GTF3C3: variants seen among roughly 807,000 people sequenced by gnomAD.
The protein encoded by GTF3C3 is general transcription factor IIIC subunit 3, also known as general transcription factor 3C polypeptide 3.
GTF3C3 carries 75 observed loss-of-function variants against 105.2 expected under a neutral mutation model. The observed-to-expected ratio is 0.71, with a 90% CI of 0.59 to 0.86. GTF3C3 has a LOEUF of 0.86. Ranked by LOEUF, GTF3C3 falls within the 40% of genes least tolerant of loss-of-function variation. GTF3C3 has a pLI of 0.00. For missense variants in GTF3C3, 856 were observed against 1,076.5 expected, an observed-to-expected ratio of 0.80 and a Z score of 2.87; for synonymous variants, 335 against 370.4, an observed-to-expected ratio of 0.90 and a Z score of 1.10.
rs1699262504 is a variant in GTF3C3, at chr2:196,776,606, T to C, written c.1414A>G (p.Met472Val). ...CCATAGCTTTCAGCAGCTCGCTCCA[T>C]ATAGCCTAAGGCCTTTAAACATTCT... ...HAECLKALGY[M>V]ERAAESYGKV... The change falls in exon 11 of 18, where the codon ATG becomes GTG. Residue 472 changes from methionine (M) to valine (V), a missense_variant. By Grantham distance (21) the Met-to-Val change is conservative (BLOSUM62 1). Transcript: ENST00000263956. The surrounding 1 kb of genome is among the most constrained non-coding windows in gnomAD (Gnocchi z 4.5). 5.6e-6 allele frequency: 9 copies of C among 1,613,984 alleles called. No homozygotes were observed. Among genetic ancestry groups the C allele is most frequent in the Non-Finnish European group, 7.6e-6 (9 of 1,179,858 alleles).
rs1699030038 is a variant in GTF3C3, at chr2:196,764,699, G to C, written c.2539-14C>G. The C allele has an allele frequency of 6.2e-7, 1 of 1,601,638 alleles. No homozygotes were observed. Among genetic ancestry groups the C allele is most frequent in the African/African-American group, 1.3e-5 (1 of 74,432 alleles). On this transcript the variant is annotated splice_polypyrimidine_tract_variant and intron_variant, in intron 17 of 17. Transcript: ENST00000263956. ...AAGTTCTATACCCTAGGGAGAAAAA[G>C]ATACCTTTATGTTTAATATTTCCAA...
intron 8 of GTF3C3, 60 bp from the exon 9 acceptor site, chr2:196,780,722 A>G (rs1699335283): frequency 6.4e-7 from 1 of 1,557,128 alleles, no homozygotes; most frequent in Non-Finnish European, 8.7e-7. Flanking sequence ...TGTATCTTCT[A>G]TGTAAGATCT....
intron 4 of GTF3C3, among the ~76,000 whole-genome samples, chr2:196,790,450 C>G (rs968137531): frequency 5.9e-5 from 9 of 152,064 alleles, no homozygotes; most frequent in African/African-American, 2.2e-4. Context: ...GCTCCCACAC[C>G]AAGGAGTATG....
At chr2:196,795,157 C>A (rs1699620905) in intron 2 of GTF3C3, among the ~76,000 whole-genome samples, 1 of 152,110 alleles carries the variant, frequency 6.6e-6, no homozygotes, top group Non-Finnish European at 1.5e-5. Flanking sequence ...TCCATCTCAG[C>A]CTCCCTAGTA....
intron 4 of GTF3C3, 84 bp downstream of exon 4, chr2:196,791,253 A>T: frequency 7.6e-7 from 1 of 1,322,772 alleles, no homozygotes; most frequent in Non-Finnish European, 1.1e-6. Flanking sequence ...CATATTTTCC[A>T]AATAGTACTG....
At position 196,773,028 on chromosome 2, in the gene GTF3C3, A is replaced by G. The variant is rs949968437; in HGVS notation, c.1957T>C (p.Leu653=). 3 of 1,611,242 alleles carry G rather than the reference A, an allele frequency of 1.9e-6. No homozygotes were observed. Among genetic ancestry groups the G allele is most frequent in the Non-Finnish European group, 2.5e-6 (3 of 1,177,380 alleles). The change falls in exon 14 of 18, where the codon TTG becomes CTG. Residue 653 remains leucine (L), a synonymous_variant. Coordinates refer to ENST00000263956, the MANE Select transcript of GTF3C3 (RefSeq NM_012086.5). The part of the protein sequence containing the change: ...QEAELLVDSS[L]EYYSFYDDRQ... The stretch of plus-strand genomic sequence containing the variant: ...TCATCATAAAATGAGTAATATTCCA[A>G]TGAGGAATCTACAAGCAACTCAGCC...
At chr2:196,780,302 C>A in intron 9 of GTF3C3, 1 of 1,053,258 alleles carries the variant, frequency 9.5e-7, no homozygotes, top group African/African-American at 1.6e-5. Context: ...ATGACAATCT[C>A]AAATGGTCTA....
At position 196,776,084 on chromosome 2, in the gene GTF3C3, T is replaced by G; in HGVS notation, c.1621A>C (p.Thr541Pro). 5 of 1,589,708 alleles carry G rather than the reference T, an allele frequency of 3.1e-6. No homozygotes were observed. The highest frequency in any genetic ancestry group is 4.3e-6 in the Non-Finnish European group (5 of 1,164,510). Residue 541 changes from threonine (T) to proline (P), a missense_variant, in exon 12 of 18, where the codon ACT becomes CCT. Physicochemically the swap from Thr to Pro is conservative, Grantham distance 38 (BLOSUM62 -1). Transcript: ENST00000263956. This position sits in a 1 kb window ranked among gnomAD's most constrained non-coding sequence, Gnocchi z 4.5. ...ATTTTGCCTTGTGAAAACAACAGAG[T>G]AGAACGATGAAGCAATAACTTCAGT... ...QELKLLLHRS[T>P]LLFSQGKMYG...
chr2:196,797,802 T>C lies in GTF3C3; in HGVS notation c.209A>G (p.Asn70Ser), dbSNP rs11559078. ...NSTKSQDKDV[N>S]EGETSDGVRK... is the part of the protein sequence containing the mutation. ...AGCACATAATTTTAACATACCTTCA[T>C]TGACATCTTTGTCTTGGGATTTGGT... Residue 70 changes from asparagine (N) to serine (S), a missense_variant, in exon 2 of 18, where the codon AAT becomes AGT. By Grantham distance (46) the Asn-to-Ser change is conservative. This residue lies in a region of GTF3C3 where 117 missense variants were observed against 114.0 expected (regional missense o/e 1.03). Transcript: ENST00000263956. 0.079 allele frequency: 121,657 copies of C among 1,537,672 alleles called. 5,819 individuals carry two copies. The highest frequency in any genetic ancestry group is 0.17 in the African/African-American group (12,228 of 73,310).
chr2:196,769,783 T>C (rs1429316612), intron 16 of GTF3C3, 132 bp downstream of exon 16: 1 of 666,706 alleles, frequency 1.5e-6, no homozygotes, highest in Admixed American at 2.9e-5. Flanking sequence ...CTGGGGTAAG[T>C]GTTGGGGACC....
Position 196,785,594 on chromosome 2 carries a change from A to G in GTF3C3, c.894-6T>C, listed in dbSNP as rs1284010987. On this transcript the variant is annotated splice_polypyrimidine_tract_variant and splice_region_variant and intron_variant, in intron 6 of 17. Transcript: ENST00000263956. ...CATTGGCTTCATAGTAACTCCTAAA[A>G]AAAAGTGGCAAAATGGATGAATATT... 3 of 1,577,594 alleles carry G rather than the reference A, an allele frequency of 1.9e-6. No individual in the cohort carries two copies. Among genetic ancestry groups the G allele is most frequent in the South Asian group, 2.3e-5 (2 of 88,182 alleles).
chr2:196,778,720 C>T, intron 10 of GTF3C3, 176 bp downstream of exon 10: 1 of 615,678 alleles, frequency 1.6e-6, no homozygotes, highest in South Asian at 2.0e-5. Flanking sequence ...TCCTCCAAAG[C>T]ATTAGTGATG....
Position 196,776,748 on chromosome 2 carries a change from C to T in GTF3C3, c.1391-119G>A, listed in dbSNP as rs756668623. The stretch of plus-strand genomic sequence containing the variant: ...AAAAAATTATAACAAGAAATGAATG[C>T]GTATTTCTAGTACTTTAAAACTATC... On this transcript the variant is annotated intron_variant, in intron 10 of 17. Transcript: ENST00000263956. The surrounding 1 kb of genome is among the most constrained non-coding windows in gnomAD (Gnocchi z 4.5). 6 of 661,620 alleles carry T rather than the reference C, an allele frequency of 9.1e-6. No individual in the cohort carries two copies. Among genetic ancestry groups the T allele is most frequent in the African/African-American group, 3.7e-5 (2 of 54,752 alleles). The allele number at this position is 661,620 out of a possible 1,614,324, so 41.0% of individuals were successfully genotyped here. A position where few individuals can be genotyped will look rare whatever the true frequency, so the allele number is the denominator to read the frequency against.
rs1699179822 is a variant in GTF3C3, at chr2:196,771,745, T to TA, written c.2260+2dup. 6.2e-7 allele frequency: 1 copy of TA among 1,601,626 alleles called. No individual in the cohort carries two copies. The highest frequency in any genetic ancestry group is 8.6e-7 in the Non-Finnish European group (1 of 1,168,696). Reference sequence around the variant, plus strand: ...TGACAAAGTCACGTGCCAGGACACTTACCAAGCGCATGCTTAAAACTACCA... The same window carrying TA: ...TGACAAAGTCACGTGCCAGGACACTTAACCAAGCGCATGCTTAAAACTACCA... On this transcript the variant is annotated splice_region_variant and intron_variant, in intron 15 of 17. Coordinates refer to ENST00000263956, the MANE Select transcript of GTF3C3 (RefSeq NM_012086.5).
chr2:196,781,847 G>A (rs1268414108), intron 8 of GTF3C3, among the ~76,000 whole-genome samples: 2 of 152,134 alleles, frequency 1.3e-5, no homozygotes, highest in African/African-American at 4.8e-5. Flanking sequence ...ATGAGGACAA[G>A]AACCATGTCT....
At chr2:196,768,967 G>A (rs998162442) in intron 16 of GTF3C3, among the ~76,000 whole-genome samples, 8 of 152,018 alleles carry the variant, frequency 5.3e-5, no homozygotes, top group African/African-American at 1.9e-4. Flanking sequence ...TGAGCACTAC[G>A]TTTAATTTAT....
At chr2:196,784,271 T>C (rs1380250371) in intron 8 of GTF3C3, among the ~76,000 whole-genome samples, 1 of 152,176 alleles carries the variant, frequency 6.6e-6, no homozygotes, top group Non-Finnish European at 1.5e-5. Flanking sequence ...AGCCGGGTTA[T>C]ATACTCTGCT....
At position 196,776,396 on chromosome 2, in the gene GTF3C3, G is replaced by A. The variant is rs374678269; in HGVS notation, c.1593+31C>T. The A allele has an allele frequency of 1.9e-6, 3 of 1,570,124 alleles. No homozygotes were observed. The highest frequency in any genetic ancestry group is 2.2e-5 in the East Asian group (1 of 44,562). Reference sequence around the variant, plus strand: ...AAAGTTCTAAAATATAATATACCAAGAAAAACTTCCCTCTATGTGACATGG... The same window carrying A: ...AAAGTTCTAAAATATAATATACCAAAAAAAACTTCCCTCTATGTGACATGG... On this transcript the variant is annotated intron_variant, in intron 11 of 17. Coordinates refer to ENST00000263956, the MANE Select transcript of GTF3C3 (RefSeq NM_012086.5). This position sits in a 1 kb window ranked among gnomAD's most constrained non-coding sequence, Gnocchi z 4.5.
chr2:196,798,543 T>TAAAATA (rs536891098), intron 1 of GTF3C3, among the ~76,000 whole-genome samples: 1 of 149,200 alleles, frequency 6.7e-6, no homozygotes, highest in African/African-American at 2.5e-5. Context: ...TAAAATAAAA[T>TAAAATA]AAATAAAAAG....
Sources: gnomAD v4.1 joint callset for allele counts (sites outside exome capture counted in the v4.1 genomes callset) on GRCh38, gnomAD v4.1.1 for gene constraint, gnomAD v4.1.1 regional missense constraint, Gnocchi (gnomAD v3.1) non-coding constraint, MANE v1.5 for transcripts, NCBI Gene and HGNC (gene_info 2026-07-23, HGNC 2026-07-21) for gene names.